Variants in TSGA10 observed in about 807,000 individuals in gnomAD.
TSGA10 encodes testis specific 10, also known as testis-specific gene 10 protein.
A neutral mutation model predicts 96.6 loss-of-function variants in TSGA10; 43 were observed. That is an observed-to-expected ratio of 0.44 (90% CI 0.35 to 0.57). TSGA10 has a LOEUF of 0.57. Among genes scored for constraint, TSGA10 ranks in the 20% least tolerant of loss-of-function variants. The pLI is 0.01. For synonymous variants in TSGA10, 229 were observed against 269.9 expected, an observed-to-expected ratio of 0.85 and a Z score of 1.48; for missense variants, 703 against 834.4, an observed-to-expected ratio of 0.84 and a Z score of 1.94.
At chr2:99,125,080 T>G (rs1293781894) in intron 2 of TSGA10, 1 of 152,214 alleles carries the variant, frequency 6.6e-6, no homozygotes, top group Non-Finnish European at 1.5e-5. Context: ...TGGTAACTAC[T>G]GCTCTTTTTA....
At chr2:99,012,692 TA>T (rs925328616) in intron 20 of TSGA10, among the ~76,000 whole-genome samples, 7 of 152,154 alleles carry the variant, frequency 4.6e-5, no homozygotes, top group Non-Finnish European at 8.8e-5. Flanking sequence ...CAATGACTAT[TA>T]GACCCAGGAA....
chr2:99,096,135 A>C (rs2090007729), intron 10 of TSGA10, among the ~76,000 whole-genome samples: 1 of 152,236 alleles, frequency 6.6e-6, no homozygotes, highest in African/African-American at 2.4e-5. Context: ...GTATAGCAAA[A>C]TTTTAAAAAC....
intron 20 of TSGA10, among the ~76,000 whole-genome samples, chr2:99,006,512 G>A (rs2078488296): frequency 2.0e-5 from 3 of 152,140 alleles, no homozygotes; most frequent in Non-Finnish European, 4.4e-5. Context: ...CTCAAAAGAA[G>A]ACATTTATGC....
At chr2:99,102,158 A>G in intron 10 of TSGA10, 1 of 1,509,766 alleles carries the variant, frequency 6.6e-7, no homozygotes, top group Non-Finnish European at 9.2e-7. Context: ...TGATGAATAT[A>G]CTTGAACTTC....
At chr2:99,053,262 CATG>C (rs1188401830) in intron 16 of TSGA10, among the ~76,000 whole-genome samples, 2 of 151,236 alleles carry the variant, frequency 1.3e-5, no homozygotes, top group African/African-American at 4.9e-5. Context: ...TCAGCATTAT[CATG>C]ATACCAGAGC....
At chr2:99,006,948 T>C (rs969993822) in intron 20 of TSGA10, among the ~76,000 whole-genome samples, 4 of 152,314 alleles carry the variant, frequency 2.6e-5, no homozygotes, top group Admixed American at 2.6e-4. Context: ...ATATACACCA[T>C]GGAATACTAT....
At chr2:99,065,233 T>C in intron 15 of TSGA10, 109 bp from the exon 16 acceptor site, 1 of 1,215,440 alleles carries the variant, frequency 8.2e-7, no homozygotes, top group Non-Finnish European at 1.1e-6. Context: ...GCGTTTATAA[T>C]AGAACCCTGA....
chr2:99,112,465 AAAG>A (rs1013763665), intron 4 of TSGA10, among the ~76,000 whole-genome samples: 1 of 152,182 alleles, frequency 6.6e-6, no homozygotes, highest in Non-Finnish European at 1.5e-5. Context: ...TATACTAGAA[AAAG>A]AAGAGCAGAG....
At chr2:99,007,159 G>T (rs922814959) in intron 20 of TSGA10, among the ~76,000 whole-genome samples, 2 of 152,064 alleles carry the variant, frequency 1.3e-5, no homozygotes, top group Non-Finnish European at 2.9e-5. Flanking sequence ...GGAGGAGGGG[G>T]GAGGGATAGC....
intron 12 of TSGA10, among the ~76,000 whole-genome samples, chr2:99,075,083 C>T (rs2086536632): frequency 6.6e-6 from 1 of 152,018 alleles, no homozygotes; most frequent in African/African-American, 2.4e-5. Flanking sequence ...GTATCCAGGG[C>T]AACAAAATTT....
intron 16 of TSGA10, among the ~76,000 whole-genome samples, chr2:99,059,993 C>A (rs530195856): frequency 9.3e-5 from 14 of 150,960 alleles, no homozygotes; most frequent in Non-Finnish European, 1.5e-4. Flanking sequence ...AGTCCTATTT[C>A]CTTATGGCTA....
chr2:99,133,832 T>C (rs542153611), intron 1 of TSGA10, among the ~76,000 whole-genome samples: 1 of 152,370 alleles, frequency 6.6e-6, no homozygotes, highest in Admixed American at 6.5e-5. Context: ...TTATTTCTCC[T>C]TTGTTTATGA....
chr2:99,069,874 A>G (rs2085721919), intron 14 of TSGA10, among the ~76,000 whole-genome samples: 1 of 152,116 alleles, frequency 6.6e-6, no homozygotes, highest in Admixed American at 6.6e-5. Context: ...ATGATTTTTA[A>G]TAATACAGGG....
chr2:99,026,669 C>T (rs1001995811), intron 17 of TSGA10, among the ~76,000 whole-genome samples: 14 of 152,064 alleles, frequency 9.2e-5, no homozygotes, highest in African/African-American at 2.2e-4. Flanking sequence ...GTGATCTGCC[C>T]GCCTCAGCCT....
At chr2:99,088,345 T>G (rs563194241) in intron 10 of TSGA10, among the ~76,000 whole-genome samples, 102 of 152,334 alleles carry the variant, frequency 6.7e-4, no homozygotes, top group African/African-American at 2.4e-3. Context: ...GTTGTTAATC[T>G]CTTACTGCAC....
intron 16 of TSGA10, among the ~76,000 whole-genome samples, chr2:99,045,108 A>G (rs1461723881): frequency 6.6e-6 from 1 of 152,164 alleles, no homozygotes; most frequent in Non-Finnish European, 1.5e-5. Flanking sequence ...CCCTAACATC[A>G]CAATTAAAAG....
At chr2:99,113,793 T>A (rs2092015289) in intron 4 of TSGA10, among the ~76,000 whole-genome samples, 1 of 152,072 alleles carries the variant, frequency 6.6e-6, no homozygotes, top group African/African-American at 2.4e-5. Flanking sequence ...GTGATCTGCC[T>A]GCCTTGGCCT....
chr2:98,999,993 C>A (rs1016977341), intron 20 of TSGA10, among the ~76,000 whole-genome samples: 1 of 152,184 alleles, frequency 6.6e-6, no homozygotes, highest in South Asian at 2.1e-4. Context: ...TAGGCTCAAG[C>A]GATCTGTCTG....
chr2:99,098,438 C>CAAAAAAAA (rs59144676), intron 10 of TSGA10, among the ~76,000 whole-genome samples: 1 of 92,626 alleles, frequency 1.1e-5, no homozygotes, highest in Non-Finnish European at 2.1e-5. Context: ...GACTCTGCCT[C>CAAAAAAAA]AAAAAAAAAA....
Sources: allele counts gnomAD v4.1 joint callset (sites outside exome capture counted in the v4.1 genomes callset), GRCh38; gene constraint gnomAD v4.1.1; transcripts MANE v1.5; gene names NCBI Gene and HGNC (gene_info 2026-07-23, HGNC 2026-07-21).